ANKIB1: variants seen among roughly 807,000 people sequenced by gnomAD.
The protein encoded by ANKIB1 is ankyrin repeat and IBR domain-containing protein 1.
In ANKIB1, 43 loss-of-function variants were observed where a neutral mutation model predicts 122.1. The observed-to-expected ratio is 0.35, with a 90% CI of 0.28 to 0.45. ANKIB1 has a LOEUF of 0.45. Among genes scored for constraint, ANKIB1 ranks in the 20% least tolerant of loss-of-function variants. ANKIB1 has a pLI of 1.00. For missense variants in ANKIB1, 992 were observed against 1,329.5 expected (o/e 0.75, Z 3.95); for synonymous variants, 390 against 442.0 (o/e 0.88, Z 1.48).
chr7:92,338,934 ATATATATATATATATAT>A (rs1393616888), intron 5 of ANKIB1, among the ~76,000 whole-genome samples: 1 of 13,486 alleles, frequency 7.4e-5, no homozygotes, highest in African/African-American at 2.8e-4. Flanking sequence ...AAAAAAAAAA[ATATATATATATATATAT>A]ATATATATAT....
chr7:92,342,458 A>G (rs1460366695), intron 5 of ANKIB1, among the ~76,000 whole-genome samples: 1 of 152,188 alleles, frequency 6.6e-6, no homozygotes, highest in African/African-American at 2.4e-5. Context: ...TTTTTAGTTA[A>G]GCCAGGTTCA....
rs372989878 is a variant in ANKIB1, at chr7:92,267,151, G to A, written c.-91+20632G>A. Reference sequence around the variant, plus strand: ...CGAGAAGAAGATTTACTGTTAGGTAGAACAGAGTTAAGGTGTAGTAGCTAC... The same window carrying A: ...CGAGAAGAAGATTTACTGTTAGGTAAAACAGAGTTAAGGTGTAGTAGCTAC... On this transcript the variant is annotated intron_variant, in intron 1 of 19. Transcript: ENST00000265742. Among the ~76,000 whole-genome samples the A allele has an allele frequency of 6.6e-5, 10 of 152,352 alleles. No individual in the cohort carries two copies. The East Asian group carries it at 1.7e-3, about 26-fold the overall frequency.
intron 1 of ANKIB1, among the ~76,000 whole-genome samples, chr7:92,264,332 T>C (rs1801625384): frequency 6.6e-6 from 1 of 151,956 alleles, no homozygotes; most frequent in Non-Finnish European, 1.5e-5. Context: ...ATGTTAACCA[T>C]AGTAACAATT....
intron 2 of ANKIB1, among the ~76,000 whole-genome samples, chr7:92,299,460 T>C (rs1258865680): frequency 6.6e-6 from 1 of 152,206 alleles, no homozygotes; most frequent in East Asian, 1.9e-4. Flanking sequence ...TTTAAGAAAT[T>C]ACCGATGTTG....
chr7:92,365,978 G>T (rs537957882), intron 10 of ANKIB1, among the ~76,000 whole-genome samples: 1 of 151,242 alleles, frequency 6.6e-6, no homozygotes. Context: ...TGTATTTTTA[G>T]TAGAGACGGG....
chr7:92,388,074 A>T, intron 14 of ANKIB1, 33 bp downstream of exon 14: 1 of 1,521,122 alleles, frequency 6.6e-7, no homozygotes, highest in East Asian at 2.5e-5. Flanking sequence ...GATAATTAAT[A>T]TAAAATATCT....
chr7:92,336,853 GTCC>G (rs1033276838), intron 5 of ANKIB1, among the ~76,000 whole-genome samples: 10 of 152,048 alleles, frequency 6.6e-5, no homozygotes, highest in Non-Finnish European at 1.3e-4. Flanking sequence ...GCTCTCTAGT[GTCC>G]TCAGATAGTT....
Position 92,328,749 on chromosome 7 carries a change from A to G in ANKIB1, c.787+849A>G, listed in dbSNP as rs537755867. ...CCCTAGCTGGCTATTTTAACTATAA[A>G]TCTTTATGATCTATACTAAAATAGA... On this transcript the variant is annotated intron_variant, in intron 5 of 19. Transcript: ENST00000265742. Among the ~76,000 whole-genome samples the G allele has an allele frequency of 4.6e-5, 7 of 151,916 alleles. No homozygotes were observed. In the East Asian group the frequency reaches 1.4e-3, roughly 29 times the overall value.
intron 1 of ANKIB1, among the ~76,000 whole-genome samples, chr7:92,264,420 C>CA (rs1562764361): frequency 6.6e-6 from 1 of 151,586 alleles, no homozygotes; most frequent in Admixed American, 6.6e-5. Context: ...AATTTTGAGA[C>CA]AGAGTCTTGC....
intron 2 of ANKIB1, among the ~76,000 whole-genome samples, chr7:92,305,081 A>C (rs1802532002): frequency 6.6e-6 from 1 of 152,210 alleles, no homozygotes; most frequent in South Asian, 2.1e-4. Context: ...TTAAACGCTT[A>C]AGTGATTTCC....
intron 1 of ANKIB1, among the ~76,000 whole-genome samples, chr7:92,291,774 C>T (rs1802256751): frequency 6.6e-6 from 1 of 152,020 alleles, no homozygotes; most frequent in Non-Finnish European, 1.5e-5. Flanking sequence ...GACGGGGTTT[C>T]ACTATTTGGC....
At chr7:92,355,995 A>G (rs1233377574) in intron 9 of ANKIB1, among the ~76,000 whole-genome samples, 1 of 152,136 alleles carries the variant, frequency 6.6e-6, no homozygotes, top group Non-Finnish European at 1.5e-5. Context: ...AATCATAGTG[A>G]TGTACAACTT....
intron 9 of ANKIB1, among the ~76,000 whole-genome samples, chr7:92,358,045 A>G (rs1803860653): frequency 1.3e-5 from 2 of 152,170 alleles, no homozygotes; most frequent in African/African-American, 4.8e-5. Flanking sequence ...GTTCAAGATC[A>G]GCCTGGCCAA....
chr7:92,375,394 C>T (rs570423759), intron 11 of ANKIB1, among the ~76,000 whole-genome samples: 5 of 152,292 alleles, frequency 3.3e-5, no homozygotes, highest in Non-Finnish European at 7.4e-5. Flanking sequence ...CCTGTCACTG[C>T]TTTGTCAGCT....
At chr7:92,325,059 A>G (rs919165825) in intron 4 of ANKIB1, among the ~76,000 whole-genome samples, 15 of 152,188 alleles carry the variant, frequency 9.9e-5, no homozygotes, top group South Asian at 4.1e-4. Context: ...TGTGTGTTCA[A>G]TGTATTTAAA....
chr7:92,246,794 C>T (rs1801078416), intron 1 of ANKIB1, among the ~76,000 whole-genome samples: 1 of 152,194 alleles, frequency 6.6e-6, no homozygotes, highest in South Asian at 2.1e-4. Context: ...CCTCTGTCCT[C>T]AAAGGATCTG....
At chr7:92,378,700 TA>T (rs1376198223) in intron 11 of ANKIB1, among the ~76,000 whole-genome samples, 2 of 152,148 alleles carry the variant, frequency 1.3e-5, no homozygotes, top group Non-Finnish European at 2.9e-5. Flanking sequence ...TCAACATAAT[TA>T]GACAACAGAA....
At position 92,272,149 on chromosome 7, in the gene ANKIB1, T is replaced by C. The variant is rs372381522; in HGVS notation, c.-90-22740T>C. The stretch of plus-strand genomic sequence containing the variant: ...TACTTAATGCCACTGAATTGTATGC[T>C]TAAAAATGATTAAAATGGTAAATTT... On this transcript the variant is annotated intron_variant, in intron 1 of 19. Coordinates refer to ENST00000265742, the MANE Select transcript of ANKIB1 (RefSeq NM_019004.2). Among the ~76,000 whole-genome samples, 48 of 152,282 alleles carry C rather than the reference T, an allele frequency of 3.2e-4. 1 individual carries two copies. Among genetic ancestry groups the C allele is most frequent in the African/African-American group, 9.9e-4 (41 of 41,544 alleles).
At chr7:92,327,157 T>G (rs995656811) in intron 4 of ANKIB1, among the ~76,000 whole-genome samples, 5 of 152,244 alleles carry the variant, frequency 3.3e-5, no homozygotes, top group African/African-American at 9.6e-5. Context: ...ATCCAAAATT[T>G]TAAAACTGTA....
Sources: gnomAD v4.1 joint callset for allele counts (sites outside exome capture counted in the v4.1 genomes callset) on GRCh38, gnomAD v4.1.1 for gene constraint, MANE v1.5 for transcripts, NCBI Gene and HGNC (gene_info 2026-07-23, HGNC 2026-07-21) for gene names.